UNC5D: variants seen among roughly 807,000 people sequenced by gnomAD.
UNC5D encodes netrin receptor UNC5D.
UNC5D carries 39 observed loss-of-function variants against 105.4 expected under a neutral mutation model. The ratio of observed to expected loss-of-function variants is 0.37; its 90% CI spans 0.29 to 0.48. UNC5D has a LOEUF of 0.48. UNC5D is among the 20% of genes least tolerant of loss of function. UNC5D has a pLI of 0.98. For missense variants in UNC5D, 991 were observed against 1,202.4 expected (o/e 0.82, Z 2.60); for synonymous variants, 452 against 450.4 (o/e 1.00, Z -0.04).
chr8:35,583,775 C>A (rs1818604485), intron 3 of UNC5D, among the ~76,000 whole-genome samples: 1 of 152,178 alleles, frequency 6.6e-6, no homozygotes, highest in Non-Finnish European at 1.5e-5. Context: ...TTGTTAATAT[C>A]TCCTATTTAC....
chr8:35,357,235 G>T (rs990833387), intron 1 of UNC5D, among the ~76,000 whole-genome samples: 1 of 151,882 alleles, frequency 6.6e-6, no homozygotes, highest in Non-Finnish European at 1.5e-5. Flanking sequence ...TTAATTAATG[G>T]CTTTGTTACC....
intron 4 of UNC5D, among the ~76,000 whole-genome samples, chr8:35,610,844 C>G (rs1820624322): frequency 6.6e-6 from 1 of 151,818 alleles, no homozygotes; most frequent in Non-Finnish European, 1.5e-5. Flanking sequence ...AGAAATAGAA[C>G]CAAAGATTGT....
At chr8:35,582,445 A>G (rs1309925869) in intron 3 of UNC5D, among the ~76,000 whole-genome samples, 2 of 152,156 alleles carry the variant, frequency 1.3e-5, no homozygotes, top group East Asian at 3.9e-4. Flanking sequence ...GGTTCCTTAG[A>G]TCTTCCTGGT....
Position 35,793,116 on chromosome 8 carries a change from T to C in UNC5D, c.*2553T>C. 2.2e-6 allele frequency: 1 copy of C among 454,146 alleles called. No homozygotes were observed. Among genetic ancestry groups the C allele is most frequent in the Non-Finnish European group, 4.4e-6 (1 of 226,276 alleles). The allele number at this position is 454,146 out of a possible 1,614,324, so 28.1% of individuals were successfully genotyped here. A position where few individuals can be genotyped will look rare whatever the true frequency, so the allele number is the denominator to read the frequency against. On this transcript the variant is annotated 3_prime_UTR_variant, in exon 17 of 17. Coordinates refer to ENST00000404895, the MANE Select transcript of UNC5D (RefSeq NM_080872.4). ...TTCAGCCTGTCTTGTTTCTTCTTTA[T>C]GTTTCTTTTACTTATTGCTGCTAGG...
At chr8:35,263,619 C>T (rs1271588555) in intron 1 of UNC5D, among the ~76,000 whole-genome samples, 1 of 152,178 alleles carries the variant, frequency 6.6e-6, no homozygotes, top group Non-Finnish European at 1.5e-5. Flanking sequence ...AATGAAGCCA[C>T]ACATCTGTAG....
At chr8:35,495,907 A>G (rs910118482) in intron 1 of UNC5D, among the ~76,000 whole-genome samples, 2 of 152,226 alleles carry the variant, frequency 1.3e-5, no homozygotes, top group African/African-American at 4.8e-5. Context: ...TGTAAGTTCT[A>G]AAGATACAAT....
intron 7 of UNC5D, among the ~76,000 whole-genome samples, chr8:35,697,335 GT>G (rs34967495): frequency 0.012 from 1,728 of 139,246 alleles, 20 homozygotes; most frequent in African/African-American, 0.027. Flanking sequence ...TTCAGATTAT[GT>G]TTTTTTTTTT....
chr8:35,623,563 G>T (rs886848687), intron 4 of UNC5D, among the ~76,000 whole-genome samples: 1 of 152,066 alleles, frequency 6.6e-6, no homozygotes, highest in Non-Finnish European at 1.5e-5. Flanking sequence ...TCGGGGCCGC[G>T]AGTGGCTCCC....
chr8:35,509,622 A>AACAAAACAGAAACAGT (rs771596507), intron 1 of UNC5D, among the ~76,000 whole-genome samples: 90 of 150,274 alleles, frequency 6.0e-4, no homozygotes, highest in Non-Finnish European at 8.1e-4. Flanking sequence ...TAGGAAACAG[A>AACAAAACAGAAACAGT]ACAAAACAGA....
At chr8:35,301,195 G>C (rs537159787) in intron 1 of UNC5D, among the ~76,000 whole-genome samples, 1 of 152,102 alleles carries the variant, frequency 6.6e-6, no homozygotes. Flanking sequence ...CAGAAAGTAC[G>C]AAGGGGTCCA....
chr8:35,568,109 C>G lies in UNC5D; in HGVS notation c.334C>G (p.Arg112Gly), dbSNP rs778210897. The change falls in exon 3 of 17, where the codon CGC becomes GGC. Residue 112 changes from arginine (R) to glycine (G), a missense_variant. Transcript: ENST00000404895. ...TCTCCCACCATCAGGTTTGAAGGTC[C>G]GCGAAGTGTTCATCAATGTTACTAG... Reference protein sequence around the residue: ...TLDESSGLKVREVFINVTRQQ... With the variant: ...TLDESSGLKVGEVFINVTRQQ... 1 of 1,614,048 alleles carries G rather than the reference C, an allele frequency of 6.2e-7. No homozygotes were observed.
intron 1 of UNC5D, among the ~76,000 whole-genome samples, chr8:35,310,026 T>C (rs990872958): frequency 1.3e-5 from 2 of 152,204 alleles, no homozygotes. Flanking sequence ...GTTTTGAGGT[T>C]ATTCAAGATT....
At chr8:35,739,091 A>G (rs1829616969) in intron 11 of UNC5D, among the ~76,000 whole-genome samples, 1 of 152,190 alleles carries the variant, frequency 6.6e-6, no homozygotes, top group African/African-American at 2.4e-5. Context: ...AATTGCTGCC[A>G]TTTAGGAAAT....
chr8:35,639,008 A>G (rs1822548159), intron 4 of UNC5D, among the ~76,000 whole-genome samples: 1 of 152,216 alleles, frequency 6.6e-6, no homozygotes, highest in Non-Finnish European at 1.5e-5. Flanking sequence ...AGATTCAGGA[A>G]AAGATGCTAC....
chr8:35,655,275 A>G (rs565324296), intron 4 of UNC5D, among the ~76,000 whole-genome samples: 1 of 152,320 alleles, frequency 6.6e-6, no homozygotes, highest in Admixed American at 6.5e-5. Flanking sequence ...ATTAGTCAAA[A>G]ATATTGCCGT....
intron 16 of UNC5D, among the ~76,000 whole-genome samples, chr8:35,782,833 T>A (rs1377703021): frequency 6.6e-6 from 1 of 152,060 alleles, no homozygotes; most frequent in Non-Finnish European, 1.5e-5. Context: ...CTCTTTTTAG[T>A]AGCTAAATTA....
At chr8:35,359,159 G>A (rs1333943759) in intron 1 of UNC5D, among the ~76,000 whole-genome samples, 1 of 152,188 alleles carries the variant, frequency 6.6e-6, no homozygotes, top group Non-Finnish European at 1.5e-5. Flanking sequence ...TTAAAAAACA[G>A]ACAAAAACAG....
intron 1 of UNC5D, among the ~76,000 whole-genome samples, chr8:35,287,795 C>G (rs963466007): frequency 4.0e-5 from 6 of 151,648 alleles, no homozygotes; most frequent in African/African-American, 1.5e-4. Context: ...CAGAGTGAGA[C>G]CCTGTCTCAA....
intron 4 of UNC5D, among the ~76,000 whole-genome samples, chr8:35,601,729 G>A (rs1237622055): frequency 1.3e-5 from 2 of 152,094 alleles, no homozygotes; most frequent in African/African-American, 2.4e-5. Flanking sequence ...TAAATATACA[G>A]TCATGTCATC....
Sources: gnomAD v4.1 joint callset for allele counts (sites outside exome capture counted in the v4.1 genomes callset) on GRCh38, gnomAD v4.1.1 for gene constraint, MANE v1.5 for transcripts, NCBI Gene and HGNC (gene_info 2026-07-23, HGNC 2026-07-21) for gene names.